Variants in RPGRIP1L observed in about 807,000 individuals in gnomAD.
The protein encoded by RPGRIP1L is RPGRIP1 like, also known as protein fantom.
Under a neutral mutation model 160.4 loss-of-function variants are expected in RPGRIP1L, and 131 were observed. The observed-to-expected ratio is 0.82, with a 90% CI of 0.71 to 0.94. The LOEUF (loss-of-function observed/expected upper bound fraction) is 0.94, where lower values mean the gene tolerates loss of function less well. Ranked by LOEUF, RPGRIP1L falls within the 40% of genes least tolerant of loss-of-function variation. RPGRIP1L has a pLI of 0.00. For synonymous variants in RPGRIP1L, 510 were observed against 515.8 expected, an observed-to-expected ratio of 0.99 and a Z score of 0.15; for missense variants, 1,522 against 1,535.8, an observed-to-expected ratio of 0.99 and a Z score of 0.15.
At chr16:53,654,941 C>T (rs534357868) in intron 14 of RPGRIP1L, among the ~76,000 whole-genome samples, 25 of 152,312 alleles carry the variant, frequency 1.6e-4, no homozygotes, top group African/African-American at 4.6e-4. Context: ...CTCTTCTGCC[C>T]AGATCAGAGT....
At chr16:53,628,209 A>C (rs919899242) in intron 22 of RPGRIP1L, 3 of 152,152 alleles carry the variant, frequency 2.0e-5, no homozygotes, top group Non-Finnish European at 4.4e-5. Context: ...ACTTTGTAAC[A>C]AAACAACAGA....
chr16:53,688,108 A>G (rs1970146834), intron 4 of RPGRIP1L, 143 bp from the exon 5 acceptor site: 1 of 612,334 alleles, frequency 1.6e-6, no homozygotes, highest in South Asian at 2.0e-5. Context: ...TTATAAATAC[A>G]CTGCCAAAGG....
chr16:53,690,908 T>C (rs1970339634), intron 4 of RPGRIP1L, among the ~76,000 whole-genome samples: 1 of 152,216 alleles, frequency 6.6e-6, no homozygotes, highest in Non-Finnish European at 1.5e-5. Flanking sequence ...TTATGCTTAC[T>C]TTAGTTGTAT....
At chr16:53,658,551 CAT>C (rs1967468614) in intron 11 of RPGRIP1L, 87 bp from the exon 12 acceptor site, 2 of 1,084,138 alleles carry the variant, frequency 1.8e-6, no homozygotes, top group Non-Finnish European at 2.8e-6. Flanking sequence ...CCCCATGAAA[CAT>C]AAACTGACTG....
rs770716076 is a variant in RPGRIP1L at position 53,638,386 on chromosome 16, C to T, written c.2984G>A (p.Arg995Lys). ...SDETSPPPED[R>K]KEISPEVEHI... The stretch of plus-strand genomic sequence containing the variant: ...CTCTACCTCTGGTGAAATTTCCTTC[C>T]TATCTTCAGGAGGAGGAGAAGTCTC... The change falls in exon 20 of 27, where the codon AGG becomes AAG. Residue 995 changes from arginine (R) to lysine (K), a missense_variant. Arg to Lys is a conservative substitution (Grantham distance 26). Coordinates refer to ENST00000647211, the MANE Select transcript of RPGRIP1L (RefSeq NM_015272.5). The T allele has an allele frequency of 1.3e-6, 2 of 1,584,642 alleles. No homozygotes were observed. The highest frequency in any genetic ancestry group is 1.7e-5 in the Admixed American group (1 of 59,840).
chr16:53,662,179 C>T (rs562815977), intron 10 of RPGRIP1L, among the ~76,000 whole-genome samples: 6 of 152,214 alleles, frequency 3.9e-5, no homozygotes, highest in African/African-American at 1.4e-4. Flanking sequence ...CATTAATAAG[C>T]AGACTGCAGA....
At chr16:53,681,714 T>G (rs1247808323) in intron 6 of RPGRIP1L, among the ~76,000 whole-genome samples, 1 of 152,228 alleles carries the variant, frequency 6.6e-6, no homozygotes, top group East Asian at 1.9e-4. Flanking sequence ...CAAAAGTTTA[T>G]GTCAAGCTGA....
chr16:53,639,383 C>T (rs1395052768), intron 19 of RPGRIP1L, among the ~76,000 whole-genome samples: 1 of 151,808 alleles, frequency 6.6e-6, no homozygotes, highest in African/African-American at 2.4e-5. Context: ...TATCCTGTTG[C>T]ATTTAAAAAA....
At chr16:53,691,988 A>G in intron 4 of RPGRIP1L, 78 bp downstream of exon 4, 1 of 1,354,372 alleles carries the variant, frequency 7.4e-7, no homozygotes, top group Non-Finnish European at 1.1e-6. Flanking sequence ...CGTAATACAG[A>G]AGTAAAACTT....
In RPGRIP1L at chr16:53,698,521, C is replaced by T. The variant is rs563375746; in HGVS notation, c.85+2118G>A. On this transcript the variant is annotated intron_variant, in intron 2 of 26. Transcript: ENST00000647211. ...GGGGTCAGCCTCCCGCCCGGCCAGCCGCCCCGTCTGGGAGGGAGGTGGAGG... is the reference window on the plus strand; with the variant it reads ...GGGGTCAGCCTCCCGCCCGGCCAGCTGCCCCGTCTGGGAGGGAGGTGGAGG... 6.6e-3 allele frequency among the ~76,000 whole-genome samples: 965 copies of T among 147,090 alleles called. 35 individuals are homozygous for T. Among genetic ancestry groups the T allele is most frequent in the African/African-American group, 0.024 (922 of 38,616 alleles).
At chr16:53,630,073 G>A (rs918993881) in intron 22 of RPGRIP1L, among the ~76,000 whole-genome samples, 1 of 152,026 alleles carries the variant, frequency 6.6e-6, no homozygotes, top group Non-Finnish European at 1.5e-5. Context: ...GCAGCGACAG[G>A]TTCTCCTCTG....
chr16:53,659,090 C>T, intron 10 of RPGRIP1L: 1 of 640,486 alleles, frequency 1.6e-6, no homozygotes, highest in East Asian at 3.3e-5. Context: ...ACTTGCTCAT[C>T]AAAAACCCAA....
Position 53,602,096 on chromosome 16 carries a change from T to C in RPGRIP1L, c.3928A>G (p.Arg1310Gly), listed in dbSNP as rs547718820. ...TGCTTTCAAGCCTCCAAGTCATCTC[T>C]GTATTGCTTGTAGACAGACTGGAGG... ...HALQSVYKQY[R>G]DDLEA is the part of the protein sequence containing the mutation. Residue 1310 changes from arginine to glycine, a missense_variant, in exon 27 of 27, where the codon AGA (arginine) becomes GGA (glycine). By Grantham distance (125) the Arg-to-Gly change is moderately radical (BLOSUM62 -2). Transcript: ENST00000647211. 3.6e-5 allele frequency: 58 copies of C among 1,611,936 alleles called. No individual in the cohort carries two copies. The East Asian group carries it at 1.2e-3, about 35-fold the overall frequency.
intron 1 of RPGRIP1L, among the ~76,000 whole-genome samples, chr16:53,701,220 T>C (rs2151419809): frequency 6.6e-6 from 1 of 152,324 alleles, no homozygotes; most frequent in Non-Finnish European, 1.5e-5. Flanking sequence ...TGATCACATG[T>C]GCCTGGGATG....
rs544563800 is a variant in RPGRIP1L, at chr16:53,631,724, T to C, written c.3294+4715A>G. Among the ~76,000 whole-genome samples the C allele has an allele frequency of 3.9e-5, 6 of 152,374 alleles. No individual in the cohort carries two copies. The East Asian group carries it at 1.2e-3, about 29-fold the overall frequency. Reference sequence around the variant, plus strand: ...CAAAGTTTTACATCTCTCAGAATTCTGTCCCCCCACACTCGCCATTAATTA... The same window carrying C: ...CAAAGTTTTACATCTCTCAGAATTCCGTCCCCCCACACTCGCCATTAATTA... On this transcript the variant is annotated intron_variant, in intron 22 of 26. Coordinates refer to ENST00000647211, the MANE Select transcript of RPGRIP1L (RefSeq NM_015272.5).
chr16:53,625,198 G>T (rs1235285431), intron 22 of RPGRIP1L, among the ~76,000 whole-genome samples: 1 of 151,922 alleles, frequency 6.6e-6, no homozygotes, highest in African/African-American at 2.4e-5. Flanking sequence ...CGTCTAGGAA[G>T]TGAGGAGCGT....
intron 2 of RPGRIP1L, among the ~76,000 whole-genome samples, chr16:53,699,769 G>A (rs1336026063): frequency 6.6e-6 from 1 of 150,934 alleles, no homozygotes; most frequent in Non-Finnish European, 1.5e-5. Flanking sequence ...AGTGAGCGGA[G>A]GTCGCGCCAC....
intron 14 of RPGRIP1L, among the ~76,000 whole-genome samples, chr16:53,655,226 A>G (rs1157355229): frequency 6.6e-6 from 1 of 152,230 alleles, no homozygotes; most frequent in Admixed American, 6.5e-5. Flanking sequence ...ATTTTAAACA[A>G]TGTCCCTCTT....
rs1345088963 is a variant in RPGRIP1L, at chr16:53,664,929, G to A, written c.1184C>T (p.Ala395Val). ...LKVQIAQLET[A>V]LKSDLTDKTE... ...TTTGTCTGTTAAGTCAGACTTCAAG[G>A]CAGTCTCGAGCTGAGCAATCTGCAC... Residue 395 changes from alanine (A) to valine (V), a missense_variant, in exon 10 of 27, where the codon GCC (alanine) becomes GTC (valine). Coordinates refer to ENST00000647211, the MANE Select transcript of RPGRIP1L (RefSeq NM_015272.5). 6.2e-7 allele frequency: 1 copy of A among 1,613,078 alleles called. No individual in the cohort carries two copies. The highest frequency in any genetic ancestry group is 8.5e-7 in the Non-Finnish European group (1 of 1,179,858).
Sources: gnomAD v4.1 joint callset for allele counts (sites outside exome capture counted in the v4.1 genomes callset) on GRCh38, gnomAD v4.1.1 for gene constraint, MANE v1.5 for transcripts, NCBI Gene and HGNC (gene_info 2026-07-23, HGNC 2026-07-21) for gene names.